SANBR: variants seen among roughly 807,000 people sequenced by gnomAD.
SANBR encodes the protein SANT and BTB domain regulator of class switch recombination.
In SANBR, 77 loss-of-function variants were observed where a neutral mutation model predicts 101.8. That is an observed-to-expected ratio of 0.76 (90% CI 0.63 to 0.91). The LOEUF is 0.91. SANBR is among the 40% of genes least tolerant of loss of function. The pLI is 0.00. For missense variants in SANBR, 875 were observed against 853.0 expected, an observed-to-expected ratio of 1.03 and a Z score of -0.32; for synonymous variants, 279 against 274.7, an observed-to-expected ratio of 1.02 and a Z score of -0.15.
intron 11 of SANBR, among the ~76,000 whole-genome samples, chr2:61,093,043 G>C (rs1411166664): frequency 1.2e-4 from 19 of 152,006 alleles, no homozygotes; most frequent in African/African-American, 3.9e-4. Flanking sequence ...TGAGGCAGGA[G>C]AATCACTTGA....
intron 10 of SANBR, among the ~76,000 whole-genome samples, chr2:61,090,854 G>A (rs965681756): frequency 5.9e-5 from 9 of 151,990 alleles, no homozygotes; most frequent in South Asian, 2.1e-4. Context: ...AGGATTACAG[G>A]TGTGAGCCGC....
chr2:61,107,895 A>C (rs567436663), intron 14 of SANBR, among the ~76,000 whole-genome samples: 2 of 152,264 alleles, frequency 1.3e-5, no homozygotes, highest in Admixed American at 1.3e-4. Context: ...CAAAAAAAAA[A>C]AAAATTCACA....
chr2:61,069,185 G>C (rs1004666266), intron 2 of SANBR, among the ~76,000 whole-genome samples, 200 bp downstream of exon 2: 3 of 152,018 alleles, frequency 2.0e-5, no homozygotes, highest in African/African-American at 4.8e-5. Flanking sequence ...CCACATTCAC[G>C]ACCCCTGTGC....
At chr2:61,067,176 G>T (rs1380341621) in intron 1 of SANBR, among the ~76,000 whole-genome samples, 1 of 152,126 alleles carries the variant, frequency 6.6e-6, no homozygotes, top group African/African-American at 2.4e-5. Context: ...TAATGCTGGG[G>T]GGTCTTCCCT....
chr2:61,126,882 A>C (rs1238769132), downstream of SANBR, among the ~76,000 whole-genome samples: 3 of 152,088 alleles, frequency 2.0e-5, no homozygotes, highest in African/African-American at 4.8e-5. Context: ...GAATATAGTA[A>C]GTCATTCCCA....
intron 6 of SANBR, among the ~76,000 whole-genome samples, 182 bp from the exon 7 acceptor site, chr2:61,081,270 T>C (rs1040049225): frequency 6.6e-6 from 1 of 152,130 alleles, no homozygotes; most frequent in Non-Finnish European, 1.5e-5. Context: ...GTACATTTTC[T>C]CCATACCCTA....
chr2:61,118,523 G>A (rs181423696), intron 20 of SANBR, among the ~76,000 whole-genome samples: 33 of 150,454 alleles, frequency 2.2e-4, no homozygotes, highest in African/African-American at 7.1e-4. Flanking sequence ...TTACAGGCGT[G>A]AGCCACCACA....
chr2:61,119,760 C>A (rs567145482), intron 20 of SANBR, among the ~76,000 whole-genome samples: 1 of 151,840 alleles, frequency 6.6e-6, no homozygotes, highest in East Asian at 2.0e-4. Context: ...GAGTTTGAGA[C>A]CAGCCTGGGC....
intron 6 of SANBR, among the ~76,000 whole-genome samples, chr2:61,079,988 A>G (rs982567157): frequency 6.6e-6 from 1 of 151,762 alleles, no homozygotes; most frequent in African/African-American, 2.4e-5. Context: ...ACCTGAGGTC[A>G]GGAGGCAAGA....
At chr2:61,104,241 C>T (rs1627608) in intron 13 of SANBR, among the ~76,000 whole-genome samples, 70,655 of 151,824 alleles carry the variant, frequency 0.47, 17,058 homozygotes, top group Middle Eastern at 0.62. Context: ...CCAGCACTTT[C>T]GGAGGCCAAG....
At chr2:61,107,073 T>G (rs1029983568) in intron 14 of SANBR, among the ~76,000 whole-genome samples, 7 of 150,364 alleles carry the variant, frequency 4.7e-5, no homozygotes, top group African/African-American at 1.7e-4. Flanking sequence ...GAGGCTGAGG[T>G]GGGAAGATTG....
chr2:61,075,456 A>G (rs1427116015), intron 5 of SANBR, among the ~76,000 whole-genome samples: 1 of 151,870 alleles, frequency 6.6e-6, no homozygotes, highest in Non-Finnish European at 1.5e-5. Flanking sequence ...ATAGGGTTTC[A>G]CCGGGTTACC....
At chr2:61,069,351 C>A (rs1010993117) in intron 2 of SANBR, among the ~76,000 whole-genome samples, 1 of 152,144 alleles carries the variant, frequency 6.6e-6, no homozygotes, top group African/African-American at 2.4e-5. Flanking sequence ...ATGACCATCA[C>A]CTACTTGTGT....
At position 61,082,773 on chromosome 2, in the gene SANBR, C is replaced by T. The variant is rs374959109; in HGVS notation, c.730-381C>T. 3.0e-3 allele frequency among the ~76,000 whole-genome samples: 460 copies of T among 152,038 alleles called. 2 individuals carry two copies. The highest frequency in any genetic ancestry group is 0.011 in the African/African-American group (445 of 41,476). ...GGCAGAGGTTGCAGTGAGCTGAGAT[C>T]GTGCCACAGCACTCCAGCCTGGATG... On this transcript the variant is annotated intron_variant, in intron 7 of 21. Transcript: ENST00000402291.
chr2:61,070,676 TATATA>T (rs1681413601), intron 3 of SANBR, among the ~76,000 whole-genome samples, 176 bp downstream of exon 3: 1 of 140,778 alleles, frequency 7.1e-6, no homozygotes, highest in Non-Finnish European at 1.5e-5. Context: ...TTTTATATAT[TATATA>T]TAGTATATAA....
intron 15 of SANBR, 55 bp from the exon 16 acceptor site, chr2:61,109,142 G>T (rs1229683138): frequency 1.6e-5 from 14 of 890,470 alleles, no homozygotes; most frequent in Admixed American, 2.8e-5. Context: ...ATGTTTGAAA[G>T]AATTCAATAA....
intron 17 of SANBR, chr2:61,116,998 A>G: frequency 4.2e-6 from 1 of 239,646 alleles, no homozygotes; most frequent in Non-Finnish European, 8.2e-6. Flanking sequence ...TCGAGGCTGC[A>G]GTGAGCTATA....
chr2:61,103,594 TG>T (rs1293726893), intron 12 of SANBR, among the ~76,000 whole-genome samples: 1 of 152,142 alleles, frequency 6.6e-6, no homozygotes, highest in African/African-American at 2.4e-5. Context: ...TGATCAGAAT[TG>T]GGCCTGTGGG....
chr2:61,088,386 A>G lies in SANBR; in HGVS notation c.1006A>G (p.Lys336Glu), dbSNP rs370444880. ...RCCLCKKLLT[K>E]ETERRIPCIP... is the part of the protein sequence containing the mutation. ...CTGTTTGTGTAAGAAACTTTTAACA[A>G]AAGAAACAGAAAGAAGAATTCCTTG... is the stretch of plus-strand genomic sequence containing the variant. Residue 336 changes from lysine (K) to glutamate (E), a missense_variant, in exon 10 of 22, where the codon AAA (lysine) becomes GAA (glutamate). By Grantham distance (56) the Lys-to-Glu change is moderately conservative. Transcript: ENST00000402291. 5.6e-5 allele frequency: 90 copies of G among 1,599,484 alleles called. No individual in the cohort carries two copies. The highest frequency in any genetic ancestry group is 7.2e-5 in the Non-Finnish European group (84 of 1,174,536).
Sources: allele counts gnomAD v4.1 joint callset (sites outside exome capture counted in the v4.1 genomes callset), GRCh38; gene constraint gnomAD v4.1.1; transcripts MANE v1.5; gene names NCBI Gene and HGNC (gene_info 2026-07-23, HGNC 2026-07-21).